Variants in ERC2 observed in about 807,000 individuals in gnomAD.
The protein encoded by ERC2 is ERC protein 2.
Under a neutral mutation model 114.8 loss-of-function variants are expected in ERC2, and 42 were observed. The ratio of observed to expected loss-of-function variants is 0.37; its 90% confidence interval spans 0.29 to 0.47. The LOEUF is 0.47. Among genes scored for constraint, ERC2 ranks in the 20% least tolerant of loss-of-function variants. The pLI is 0.99. For missense variants in ERC2, 939 were observed against 1,150.7 expected (o/e 0.82, Z 2.66); for synonymous variants, 454 against 425.5 (o/e 1.07, Z -0.82).
At chr3:55,672,793 C>T (rs988171038) in intron 17 of ERC2, among the ~76,000 whole-genome samples, 1 of 152,174 alleles carries the variant, frequency 6.6e-6, no homozygotes, top group Non-Finnish European at 1.5e-5. Context: ...TCCATCCTTC[C>T]CTGTCCCCAG....
chr3:55,828,547 G>A (rs1438820486), intron 14 of ERC2, among the ~76,000 whole-genome samples: 1 of 147,376 alleles, frequency 6.8e-6, no homozygotes, highest in Non-Finnish European at 1.5e-5. Flanking sequence ...TTAGAGGACT[G>A]CAAAAGAGGG....
chr3:56,367,000 G>A (rs1428023514), intron 2 of ERC2, among the ~76,000 whole-genome samples: 1 of 152,186 alleles, frequency 6.6e-6, no homozygotes. Context: ...GGGGCTCTGA[G>A]ACACTAAGCA....
chr3:56,294,066 T>G (rs2055270284), intron 3 of ERC2, among the ~76,000 whole-genome samples: 1 of 152,238 alleles, frequency 6.6e-6, no homozygotes, highest in Non-Finnish European at 1.5e-5. Context: ...CTCTATCAAC[T>G]GCAGTTTTGA....
intron 14 of ERC2, among the ~76,000 whole-genome samples, chr3:55,799,689 G>A (rs1009036222): frequency 5.3e-5 from 8 of 151,896 alleles, no homozygotes; most frequent in African/African-American, 1.9e-4. Context: ...CCCATAGTAA[G>A]GATGCATGAC....
chr3:56,280,585 G>T (rs995905955), intron 3 of ERC2, among the ~76,000 whole-genome samples: 1 of 152,116 alleles, frequency 6.6e-6, no homozygotes, highest in Non-Finnish European at 1.5e-5. Flanking sequence ...TCCACTAGAT[G>T]GTTACATGTA....
At chr3:55,545,708 G>A (rs768210460) in intron 17 of ERC2, among the ~76,000 whole-genome samples, 1 of 152,146 alleles carries the variant, frequency 6.6e-6, no homozygotes, top group Non-Finnish European at 1.5e-5. Context: ...AACAGGACAG[G>A]AGGAGACTTA....
intron 13 of ERC2, among the ~76,000 whole-genome samples, chr3:55,947,869 C>T (rs933191099): frequency 6.6e-6 from 1 of 152,132 alleles, no homozygotes; most frequent in Admixed American, 6.5e-5. Flanking sequence ...CAGAAAGAAC[C>T]AGACATCATT....
chr3:56,449,775 G>C (rs2062748537), intron 1 of ERC2, among the ~76,000 whole-genome samples: 1 of 152,190 alleles, frequency 6.6e-6, no homozygotes, highest in South Asian at 2.1e-4. Flanking sequence ...AAAGTACTTA[G>C]CACAATACCT....
intron 3 of ERC2, among the ~76,000 whole-genome samples, chr3:56,241,238 G>A (rs1280605282): frequency 6.6e-6 from 1 of 152,084 alleles, no homozygotes; most frequent in African/African-American, 2.4e-5. Flanking sequence ...AAAAGGACCT[G>A]AACAGACATT....
chr3:56,214,625 T>C (rs1476611045), intron 3 of ERC2, among the ~76,000 whole-genome samples: 11 of 151,748 alleles, frequency 7.2e-5, no homozygotes, highest in African/African-American at 2.7e-4. Flanking sequence ...AACATTCACA[T>C]TCAGGAATTA....
intron 16 of ERC2, among the ~76,000 whole-genome samples, chr3:55,687,665 C>T (rs2062405374): frequency 6.6e-6 from 1 of 152,154 alleles, no homozygotes; most frequent in South Asian, 2.1e-4. Flanking sequence ...AGACTCGCCT[C>T]CACCCCTAAT....
chr3:55,529,823 C>T (rs1275493284), intron 17 of ERC2, among the ~76,000 whole-genome samples: 1 of 152,174 alleles, frequency 6.6e-6, no homozygotes, highest in East Asian at 1.9e-4. Context: ...GCAGAAGACA[C>T]AGGAGAAGTA....
At chr3:55,835,381 A>G (rs1163879878) in intron 14 of ERC2, among the ~76,000 whole-genome samples, 2 of 152,186 alleles carry the variant, frequency 1.3e-5, no homozygotes, top group African/African-American at 4.8e-5. Context: ...GAATCCAGCA[A>G]CACATCAAAA....
At chr3:56,415,201 T>C (rs2061101596) in intron 2 of ERC2, among the ~76,000 whole-genome samples, 1 of 152,226 alleles carries the variant, frequency 6.6e-6, no homozygotes, top group African/African-American at 2.4e-5. Context: ...GTACCTTTCA[T>C]TCAACAACTG....
chr3:56,035,786 T>C (rs897942418), intron 7 of ERC2, among the ~76,000 whole-genome samples: 1 of 152,306 alleles, frequency 6.6e-6, no homozygotes, highest in Admixed American at 6.5e-5. Context: ...TTCTGTTCTT[T>C]ACAAACTACC....
intron 4 of ERC2, among the ~76,000 whole-genome samples, chr3:56,157,968 C>G (rs1043408568): frequency 2.0e-5 from 3 of 152,188 alleles, no homozygotes; most frequent in African/African-American, 7.2e-5. Flanking sequence ...ATTGCAATCC[C>G]TAAATAAACG....
intron 6 of ERC2, among the ~76,000 whole-genome samples, chr3:56,136,166 A>C (rs1575550881): frequency 6.6e-6 from 1 of 152,046 alleles, no homozygotes; most frequent in East Asian, 1.9e-4. Flanking sequence ...CCCACCCTTC[A>C]TCCTACCAAC....
intron 3 of ERC2, among the ~76,000 whole-genome samples, chr3:56,253,284 C>G (rs1481419625): frequency 6.6e-6 from 1 of 152,080 alleles, no homozygotes; most frequent in Non-Finnish European, 1.5e-5. Flanking sequence ...ATTTTGATGG[C>G]TATATGATAT....
chr3:56,286,139 C>T (rs886701319), intron 3 of ERC2, among the ~76,000 whole-genome samples: 4 of 152,104 alleles, frequency 2.6e-5, no homozygotes, highest in East Asian at 1.9e-4. Context: ...GGTGGCCGGG[C>T]GCGGTGGCTT....
Sources: gnomAD v4.1 joint callset for allele counts (sites outside exome capture counted in the v4.1 genomes callset) on GRCh38, gnomAD v4.1.1 for gene constraint, MANE v1.5 for transcripts, NCBI Gene and HGNC (gene_info 2026-07-23, HGNC 2026-07-21) for gene names.